The following CDR2L variants were observed in gnomAD, a reference collection of about 807,000 sequenced individuals.
CDR2L encodes cerebellar degeneration-related protein 2-like.
Under a neutral mutation model 36.1 loss-of-function variants are expected in CDR2L, and 19 were observed. The observed-to-expected ratio is 0.53, with a 90% CI of 0.37 to 0.77. The LOEUF (loss-of-function observed/expected upper bound fraction) is 0.77. Ranked by LOEUF, CDR2L falls within the 30% of genes least tolerant of loss-of-function variation. CDR2L has a pLI of 0.00. For missense variants in CDR2L, 575 were observed against 627.2 expected, an observed-to-expected ratio of 0.92 and a Z score of 0.89; for synonymous variants, 285 against 280.4, an observed-to-expected ratio of 1.02 and a Z score of -0.16.
chr17:74,989,988 C>A lies in CDR2L; in HGVS notation c.79+1866C>A, dbSNP rs1445177388. Among the ~76,000 whole-genome samples, 1 of 152,152 alleles carries A rather than the reference C, an allele frequency of 6.6e-6. No individual in the cohort carries two copies. The highest frequency in any genetic ancestry group is 2.4e-5 in the African/African-American group (1 of 41,432). On this transcript the variant is annotated intron_variant, in intron 1 of 4. Transcript: ENST00000337231. This position sits in a 1 kb window ranked among gnomAD's most constrained non-coding sequence, Gnocchi z 4.2. ...GGGAGGGCTTCCTGGAAGAGCCAGG[C>A]TTAGAAAGAAAGATCAGAAACTGAG... is the stretch of plus-strand genomic sequence containing the variant.
At position 74,989,346 on chromosome 17, in the gene CDR2L, C is replaced by T. The variant is rs1242874783; in HGVS notation, c.79+1224C>T. The stretch of plus-strand genomic sequence containing the variant: ...CTGGGGATGCTGGACTAGGCCCTGC[C>T]ATGGTCTGTGCCCTGGACTCTGGCC... On this transcript the variant is annotated intron_variant, in intron 1 of 4. Transcript: ENST00000337231. This position sits in a 1 kb window ranked among gnomAD's most constrained non-coding sequence, Gnocchi z 4.2. 1.3e-5 allele frequency among the ~76,000 whole-genome samples: 2 copies of T among 151,430 alleles called. No homozygotes were observed. Among genetic ancestry groups the T allele is most frequent in the Non-Finnish European group, 2.9e-5 (2 of 67,876 alleles).
chr17:74,994,719 C>T (rs2039814931), intron 1 of CDR2L, among the ~76,000 whole-genome samples: 1 of 152,066 alleles, frequency 6.6e-6, no homozygotes, highest in African/African-American at 2.4e-5. Flanking sequence ...AGTCCTCCCA[C>T]ATCAACTTCT....
In CDR2L at chr17:74,989,773, G is replaced by A. The variant is rs928648838; in HGVS notation, c.79+1651G>A. The stretch of plus-strand genomic sequence containing the variant: ...GGGTTCAAGTGATTCTCCTGCCTCA[G>A]CCTCCTGAGTAGCTGGGACCACACC... On this transcript the variant is annotated intron_variant, in intron 1 of 4. Transcript: ENST00000337231. The surrounding 1 kb of genome is among the most constrained non-coding windows in gnomAD (Gnocchi z 4.2). Among the ~76,000 whole-genome samples, 7 of 152,096 alleles carry A rather than the reference G, an allele frequency of 4.6e-5. No homozygotes were observed. Among genetic ancestry groups the A allele is most frequent in the Admixed American group, 1.3e-4 (2 of 15,276 alleles).
At chr17:74,988,835 T>C (rs181215115) in intron 1 of CDR2L, among the ~76,000 whole-genome samples, 3 of 152,254 alleles carry the variant, frequency 2.0e-5, no homozygotes, top group Admixed American at 1.3e-4. Flanking sequence ...CTGCCCCCAG[T>C]TGCCATCTGA....
At chr17:75,001,599 C>G (rs2039867652) in intron 3 of CDR2L, 110 bp downstream of exon 3, 3 of 1,036,868 alleles carry the variant, frequency 2.9e-6, no homozygotes, top group Non-Finnish European at 1.3e-6. Flanking sequence ...TCCCTAGGAA[C>G]CGGGGATGGG....
At chr17:74,999,944 G>A (rs943781067) in intron 2 of CDR2L, among the ~76,000 whole-genome samples, 12 of 152,126 alleles carry the variant, frequency 7.9e-5, no homozygotes, top group Non-Finnish European at 1.6e-4. Context: ...GGCCCAGCCT[G>A]AACCACCATT....
chr17:74,994,019 G>C (rs912210954), intron 1 of CDR2L, among the ~76,000 whole-genome samples: 1 of 152,106 alleles, frequency 6.6e-6, no homozygotes, highest in Middle Eastern at 3.2e-3. Flanking sequence ...AAGGCCCAAG[G>C]CTCTGCCCTC....
At position 74,989,741 on chromosome 17, in the gene CDR2L, A is replaced by C. The variant is rs957257212; in HGVS notation, c.79+1619A>C. Among the ~76,000 whole-genome samples, 3 of 151,836 alleles carry C rather than the reference A, an allele frequency of 2.0e-5. No homozygotes were observed. The highest frequency in any genetic ancestry group is 4.4e-5 in the Non-Finnish European group (3 of 67,950). On this transcript the variant is annotated intron_variant, in intron 1 of 4. Coordinates refer to ENST00000337231, the MANE Select transcript of CDR2L (RefSeq NM_014603.3). This position sits in a 1 kb window ranked among gnomAD's most constrained non-coding sequence, Gnocchi z 4.2. ...GCGATCTCAGCTCACTGCAACCTCC[A>C]TCTCCCGGGTTCAAGTGATTCTCCT...
rs1015560474 is a variant in CDR2L, at chr17:75,002,590, C to T, written c.506+362C>T. 6.6e-6 allele frequency among the ~76,000 whole-genome samples: 1 copy of T among 152,202 alleles called. No homozygotes were observed. Among genetic ancestry groups the T allele is most frequent in the Non-Finnish European group, 1.5e-5 (1 of 68,036 alleles). The stretch of plus-strand genomic sequence containing the variant: ...TTTTCAGTTCCCATTAAATCTAACA[C>T]TAGACAACCACTTAATAATGGAAAA... On this transcript the variant is annotated intron_variant, in intron 4 of 4. Transcript: ENST00000337231. This position sits in a 1 kb window ranked among gnomAD's most constrained non-coding sequence, Gnocchi z 4.1.
intron 1 of CDR2L, among the ~76,000 whole-genome samples, chr17:74,992,419 T>C (rs11649988): frequency 0.93 from 141,706 of 151,844 alleles, 66,753 homozygotes; most frequent in East Asian, 1. Flanking sequence ...GTACCTTCCC[T>C]CAGCTTGGTC....
chr17:75,004,416 G>T lies in CDR2L; in HGVS notation c.*342G>T. The stretch of plus-strand genomic sequence containing the variant: ...TGACCAGGCTTCTGAAAGCCATTCT[G>T]GATCAGTTGGCTTTTTTTTTTTTTT... On this transcript the variant is annotated 3_prime_UTR_variant, in exon 5 of 5. Transcript: ENST00000337231. 4.4e-6 allele frequency: 1 copy of T among 228,374 alleles called. No individual in the cohort carries two copies. The highest frequency in any genetic ancestry group is 8.1e-5 in the East Asian group (1 of 12,352). The allele number at this position is 228,374 out of a possible 1,614,324, so 14.1% of individuals were successfully genotyped here.
rs1277592464 is a variant in CDR2L at position 75,001,353 on chromosome 17, C to G, written c.205C>G (p.Gln69Glu). ...CTTCCACCCCCAGTACCTAACCAAG[C>G]AGCTGGACACGCTGCGGCACGTGAA... Reference protein sequence around the residue: ...QVQEIEYLTKQLDTLRHVNEQ... With the variant: ...QVQEIEYLTKELDTLRHVNEQ... The change falls in exon 3 of 5, where the codon CAG becomes GAG. Residue 69 changes from glutamine to glutamate, a missense_variant. Physicochemically the swap from Gln to Glu is conservative, Grantham distance 29 (BLOSUM62 2). Coordinates refer to ENST00000337231, the MANE Select transcript of CDR2L (RefSeq NM_014603.3). 6.2e-7 allele frequency: 1 copy of G among 1,607,244 alleles called. No individual in the cohort carries two copies. The highest frequency in any genetic ancestry group is 1.3e-5 in the African/African-American group (1 of 74,662).
At position 75,002,930 on chromosome 17, in the gene CDR2L, C is replaced by G. The variant is rs565379400; in HGVS notation, c.507-253C>G. Among the ~76,000 whole-genome samples the G allele has an allele frequency of 2.6e-5, 4 of 152,342 alleles. No individual in the cohort carries two copies. In the South Asian group the frequency reaches 6.2e-4, roughly 24 times the overall value. ...CCCCCCTCGGACCTCTAGCCAGTGC[C>G]TCTCATGGGCCAAGCTCAGGAGAGA... On this transcript the variant is annotated intron_variant, in intron 4 of 4. Transcript: ENST00000337231. This position sits in a 1 kb window ranked among gnomAD's most constrained non-coding sequence, Gnocchi z 4.1.
intron 3 of CDR2L, 150 bp downstream of exon 3, chr17:75,001,639 G>A (rs1329176415): frequency 1.3e-6 from 1 of 772,384 alleles, no homozygotes; most frequent in Non-Finnish European, 1.9e-6. Flanking sequence ...ATTTTGTGTG[G>A]TTTAACATTC....
At chr17:74,998,141 C>T (rs960465365) in intron 1 of CDR2L, among the ~76,000 whole-genome samples, 2 of 151,838 alleles carry the variant, frequency 1.3e-5, no homozygotes, top group African/African-American at 4.8e-5. Context: ...GAATGGTTAG[C>T]GTGAACCTGG....
intron 1 of CDR2L, among the ~76,000 whole-genome samples, chr17:74,997,329 T>C (rs2039834861): frequency 6.6e-6 from 1 of 152,104 alleles, no homozygotes. Context: ...TCTTCCCACT[T>C]TGGCCTCCCA....
Position 75,003,397 on chromosome 17 carries a change from C to G in CDR2L, c.721C>G (p.Arg241Gly). 1 of 1,565,244 alleles carries G rather than the reference C, an allele frequency of 6.4e-7. No individual in the cohort carries two copies. Among genetic ancestry groups the G allele is most frequent in the Non-Finnish European group, 8.7e-7 (1 of 1,155,900 alleles). The change falls in exon 5 of 5, where the codon CGC becomes GGC. Residue 241 changes from arginine to glycine, a missense_variant. Arg to Gly is a moderately radical substitution (Grantham distance 125). Coordinates refer to ENST00000337231, the MANE Select transcript of CDR2L (RefSeq NM_014603.3). ...CCAGCTGTGCGAGATGGAGGCCTGT[C>G]GCCTGCGTGTGCAGGAGCTGGAGGC... ...ERQLCEMEAC[R>G]LRVQELEAEL...
At chr17:74,998,716 G>C (rs1276161799) in intron 1 of CDR2L, among the ~76,000 whole-genome samples, 1 of 152,216 alleles carries the variant, frequency 6.6e-6, no homozygotes, top group Non-Finnish European at 1.5e-5. Flanking sequence ...GACAGGCACA[G>C]ACTTGAAGGA....
chr17:75,002,178 G>A lies in CDR2L; in HGVS notation c.456G>A (p.Arg152=). The A allele has an allele frequency of 6.2e-7, 1 of 1,609,138 alleles. No homozygotes were observed. Among genetic ancestry groups the A allele is most frequent in the Non-Finnish European group, 8.5e-7 (1 of 1,178,060 alleles). Residue 152 remains arginine, a synonymous_variant, in exon 4 of 5, where the codon AGG becomes AGA. Coordinates refer to ENST00000337231, the MANE Select transcript of CDR2L (RefSeq NM_014603.3). The surrounding 1 kb of genome is among the most constrained non-coding windows in gnomAD (Gnocchi z 4.1). ...TGCTCCGGGAGAAGCGGGAACGCAG[G>A]CGTACCATCCACACCTTCCCCTGCC... is the stretch of plus-strand genomic sequence containing the variant. The part of the protein sequence containing the change: ...LRVLREKRER[R]RTIHTFPCLK...
Sources: allele counts gnomAD v4.1 joint callset (sites outside exome capture counted in the v4.1 genomes callset), GRCh38; gene constraint gnomAD v4.1.1; non-coding constraint Gnocchi (gnomAD v3.1); transcripts MANE v1.5; gene names NCBI Gene and HGNC (gene_info 2026-07-23, HGNC 2026-07-21).